Variants in LMBR1 observed in about 807,000 individuals in gnomAD.
LMBR1 encodes limb region 1 protein homolog.
Under a neutral mutation model 73.9 loss-of-function variants are expected in LMBR1, and 52 were observed. That is an observed-to-expected ratio of 0.70 (90% CI 0.56 to 0.89). The LOEUF (loss-of-function observed/expected upper bound fraction) is 0.89. LMBR1 is among the 40% of genes least tolerant of loss of function. The probability of loss-of-function intolerance (pLI) is 0.00; values close to 1 mark genes in which losing one functional copy is unlikely to be tolerated. For synonymous variants in LMBR1, 215 were observed against 209.4 expected, an observed-to-expected ratio of 1.03 and a Z score of -0.23; for missense variants, 539 against 579.8, an observed-to-expected ratio of 0.93 and a Z score of 0.72.
intron 9 of LMBR1, among the ~76,000 whole-genome samples, chr7:156,740,268 G>T (rs138471821): frequency 0.012 from 1,801 of 152,106 alleles, 23 homozygotes; most frequent in Middle Eastern, 0.031. Context: ...TAGCCTAAAA[G>T]GAGCAAATCT....
chr7:156,725,743 G>A lies in LMBR1; in HGVS notation c.1067+21C>T, dbSNP rs1221011071. 4.4e-6 allele frequency: 7 copies of A among 1,605,740 alleles called. No homozygotes were observed. The East Asian group carries it at 6.7e-5, about 15-fold the overall frequency. On this transcript the variant is annotated intron_variant, in intron 13 of 16. Coordinates refer to ENST00000353442, the MANE Select transcript of LMBR1 (RefSeq NM_022458.4). ...TATAAAATTTGTGGATAGGCTGAACGTTCAGTTAAAGAAAGGATACAAAAT... is the reference window on the plus strand; with the variant it reads ...TATAAAATTTGTGGATAGGCTGAACATTCAGTTAAAGAAAGGATACAAAAT...
chr7:156,713,236 G>A (rs1812465360), intron 15 of LMBR1, among the ~76,000 whole-genome samples: 1 of 152,072 alleles, frequency 6.6e-6, no homozygotes, highest in African/African-American at 2.4e-5. Flanking sequence ...GGGGGTGAGA[G>A]AGAGAGAGAG....
intron 8 of LMBR1, among the ~76,000 whole-genome samples, chr7:156,759,755 T>C (rs1822617779): frequency 6.6e-6 from 1 of 152,150 alleles, no homozygotes. Context: ...AGGCAATTTT[T>C]ACTTCTATAG....
chr7:156,818,868 C>T (rs752003461), intron 4 of LMBR1, among the ~76,000 whole-genome samples: 2 of 152,064 alleles, frequency 1.3e-5, no homozygotes, highest in Non-Finnish European at 2.9e-5. Flanking sequence ...CCTATTTTAA[C>T]AACAAAAAGA....
intron 4 of LMBR1, among the ~76,000 whole-genome samples, chr7:156,811,060 C>A (rs1275120161): frequency 1.3e-5 from 2 of 152,070 alleles, no homozygotes; most frequent in African/African-American, 4.8e-5. Context: ...ATCCACCCAC[C>A]TCAGCCTCCC....
At chr7:156,878,539 C>G (rs1800569111) in intron 1 of LMBR1, among the ~76,000 whole-genome samples, 1 of 152,176 alleles carries the variant, frequency 6.6e-6, no homozygotes, top group South Asian at 2.1e-4. Flanking sequence ...CTACAAAATA[C>G]TGCTGAAATC....
In LMBR1 at chr7:156,815,596, T is replaced by A. The variant is rs190579591; in HGVS notation, c.319+11009A>T. Among the ~76,000 whole-genome samples the A allele has an allele frequency of 1.1e-4, 17 of 152,308 alleles. No individual in the cohort carries two copies. The East Asian group carries it at 3.1e-3, about 28-fold the overall frequency. ...CATACAGTTTCCCCCATAAAATGAATTAAAAGGGCAGAAAATAATAAAGCT... is the reference window on the plus strand; with the variant it reads ...CATACAGTTTCCCCCATAAAATGAAATAAAAGGGCAGAAAATAATAAAGCT... On this transcript the variant is annotated intron_variant, in intron 4 of 16. Transcript: ENST00000353442.
At chr7:156,671,729 C>T (rs189302574) in intron 4 of LMBR1, among the ~76,000 whole-genome samples, 1 of 150,858 alleles carries the variant, frequency 6.6e-6, no homozygotes, top group South Asian at 2.1e-4. Context: ...CCGTGTCCCT[C>T]CCCAGTCGTC....
rs1264316529 is a variant in LMBR1, at chr7:156,893,154, C to A, written c.-161G>T. On this transcript the variant is annotated 5_prime_UTR_variant, in exon 1 of 17. The change creates a new upstream start codon in the 5' untranslated region. Coordinates refer to ENST00000353442, the MANE Select transcript of LMBR1 (RefSeq NM_022458.4). The stretch of plus-strand genomic sequence containing the variant: ...CCGCGACCACGACACCGGCCGTCGC[C>A]TCAGCAGCCTCAGACGAGCAGCTCT... 1 of 572,204 alleles carries A rather than the reference C, an allele frequency of 1.7e-6. No homozygotes were observed. The highest frequency in any genetic ancestry group is 2.6e-6 in the Non-Finnish European group (1 of 377,528). The allele number at this position is 572,204 out of a possible 1,614,324, so 35.4% of individuals were successfully genotyped here.
chr7:156,707,425 A>T (rs1196859653), intron 15 of LMBR1, among the ~76,000 whole-genome samples: 1 of 152,178 alleles, frequency 6.6e-6, no homozygotes, highest in Non-Finnish European at 1.5e-5. Flanking sequence ...AGACAAGTAC[A>T]CTACAGACCA....
In LMBR1 at chr7:156,700,358, C is replaced by T. The variant is rs1482814958; in HGVS notation, c.1226-12167G>A. On this transcript the variant is annotated intron_variant, in intron 15 of 16. Transcript: ENST00000353442. ...ATCGAACAATGAGAACACATGGACA[C>T]AGGAATGGGAACATCACTCACCTCG... is the stretch of plus-strand genomic sequence containing the variant. Among the ~76,000 whole-genome samples, 16 of 151,404 alleles carry T rather than the reference C, an allele frequency of 1.1e-4. No homozygotes were observed. In the South Asian group the frequency reaches 1.7e-3, roughly 16 times the overall value.
At chr7:156,704,714 T>A (rs962705492) in intron 15 of LMBR1, among the ~76,000 whole-genome samples, 2 of 141,730 alleles carry the variant, frequency 1.4e-5, no homozygotes, top group African/African-American at 2.6e-5. Flanking sequence ...GAAATCAATA[T>A]AGGATGTGAA....
At chr7:156,846,385 C>A (rs1028061297) in intron 1 of LMBR1, among the ~76,000 whole-genome samples, 3 of 152,026 alleles carry the variant, frequency 2.0e-5, no homozygotes, top group Non-Finnish European at 4.4e-5. Context: ...CAGAGTGAGA[C>A]CCTGTCTCAT....
Position 156,685,632 on chromosome 7 carries a change from G to A in LMBR1, c.1388-1469C>T, listed in dbSNP as rs1180556203. On this transcript the variant is annotated intron_variant, in intron 16 of 16. Transcript: ENST00000353442. The surrounding 1 kb of genome is among the most constrained non-coding windows in gnomAD (Gnocchi z 4.1). ...GCCAGGACATTACAACAGCCGCCAC[G>A]CCACTGCTGGCAGAAACGGTTCAGC... Among the ~76,000 whole-genome samples the A allele has an allele frequency of 3.3e-5, 5 of 152,330 alleles. No individual in the cohort carries two copies. The highest frequency in any genetic ancestry group is 1.3e-4 in the Admixed American group (2 of 15,304).
At chr7:156,676,428 C>T (rs749167110), downstream of LMBR1, 43 of 1,613,952 alleles carry the variant, frequency 2.7e-5, no homozygotes, top group South Asian at 5.5e-5. Context: ...GGCTCTGCGC[C>T]GGGAGACCCA....
rs1357063277 is a variant in LMBR1 at position 156,677,895 on chromosome 7, C to T, written c.*6183G>A. The T allele has an allele frequency of 1.3e-5, 2 of 152,224 alleles. No homozygotes were observed. Among genetic ancestry groups the T allele is most frequent in the African/African-American group, 4.8e-5 (2 of 41,456 alleles). 9.4% of individuals were successfully genotyped at this position (152,224 alleles called of 1,614,324 possible). A position where few individuals can be genotyped will look rare whatever the true frequency, so the allele number is the denominator to read the frequency against. The stretch of plus-strand genomic sequence containing the variant: ...CTAAGAGAGCAGAGGGAAACTGAAT[C>T]ACAGAACCTCAATTTTCTGTAAGCT... On this transcript the variant is annotated 3_prime_UTR_variant, in exon 17 of 17. Transcript: ENST00000353442.
intron 1 of LMBR1, among the ~76,000 whole-genome samples, chr7:156,838,337 G>C (rs1317030085): frequency 1.3e-5 from 2 of 152,032 alleles, no homozygotes; most frequent in Non-Finnish European, 2.9e-5. Flanking sequence ...CTACCTAACT[G>C]AAATTTTGTA....
At chr7:156,715,398 C>T (rs1378122730) in intron 15 of LMBR1, among the ~76,000 whole-genome samples, 4 of 152,126 alleles carry the variant, frequency 2.6e-5, no homozygotes, top group East Asian at 1.9e-4. Flanking sequence ...GAAATGGAAT[C>T]GTACAATATA....
At chr7:156,723,840 T>C (rs763590763) in intron 15 of LMBR1, among the ~76,000 whole-genome samples, 5 of 152,146 alleles carry the variant, frequency 3.3e-5, no homozygotes, top group East Asian at 1.9e-4. Context: ...AACTTATAGA[T>C]GTGTCAGTAA....
Sources: gnomAD v4.1 joint callset for allele counts (sites outside exome capture counted in the v4.1 genomes callset) on GRCh38, gnomAD v4.1.1 for gene constraint, Gnocchi (gnomAD v3.1) non-coding constraint, MANE v1.5 for transcripts, NCBI Gene and HGNC (gene_info 2026-07-23, HGNC 2026-07-21) for gene names.